GYPC: variants seen among roughly 807,000 people sequenced by gnomAD.
GYPC encodes the protein glycophorin-C.
A neutral mutation model predicts 12.6 loss-of-function variants in GYPC; 14 were observed. The observed-to-expected ratio is 1.11, with a 90% CI of 0.74 to 1.74. The LOEUF (loss-of-function observed/expected upper bound fraction) is 1.74. Among genes scored for constraint, GYPC ranks in the 40% most tolerant of loss-of-function variants. The pLI is 0.00. For missense variants in GYPC, 225 were observed against 172.1 expected (o/e 1.31, Z -1.72); for synonymous variants, 78 against 62.1 (o/e 1.26, Z -1.20).
chr2:126,691,484 C>A (rs1487033397), intron 2 of GYPC, among the ~76,000 whole-genome samples: 1 of 152,168 alleles, frequency 6.6e-6, no homozygotes, highest in African/African-American at 2.4e-5. Context: ...TGCAGACTCA[C>A]CCCAGTCCTC....
intron 1 of GYPC, among the ~76,000 whole-genome samples, chr2:126,660,402 C>T (rs1682503499): frequency 6.6e-6 from 1 of 152,224 alleles, no homozygotes; most frequent in African/African-American, 2.4e-5. Flanking sequence ...CCAGCTGCAC[C>T]TCTCACAACT....
intron 1 of GYPC, chr2:126,685,711 G>T (rs148661898): frequency 1.1e-6 from 1 of 883,806 alleles, no homozygotes; most frequent in Non-Finnish European, 1.4e-6. Context: ...AACCAGGCTT[G>T]TAGGTTCCTC....
chr2:126,666,756 C>T (rs1006251370), intron 1 of GYPC, among the ~76,000 whole-genome samples: 7 of 140,960 alleles, frequency 5.0e-5, no homozygotes, highest in African/African-American at 1.4e-4. Context: ...CACACACACA[C>T]ATATGCACGC....
intron 1 of GYPC, among the ~76,000 whole-genome samples, chr2:126,661,548 G>A (rs1308054932): frequency 2.6e-5 from 4 of 151,764 alleles, no homozygotes; most frequent in Admixed American, 2.6e-4. Context: ...CGTCTCCTGG[G>A]TTCATGCAAT....
intron 1 of GYPC, among the ~76,000 whole-genome samples, chr2:126,673,416 C>T (rs1181424831): frequency 2.0e-5 from 3 of 152,274 alleles, no homozygotes; most frequent in Non-Finnish European, 2.9e-5. Context: ...AAGGTGATCA[C>T]GTTCACTGAG....
chr2:126,667,903 T>C (rs1682731872), intron 1 of GYPC, among the ~76,000 whole-genome samples: 1 of 152,182 alleles, frequency 6.6e-6, no homozygotes, highest in African/African-American at 2.4e-5. Context: ...ACAGGAGACA[T>C]AAAGGGACAA....
chr2:126,666,708 T>TACACACACAC (rs67904410), intron 1 of GYPC, among the ~76,000 whole-genome samples: 57 of 118,544 alleles, frequency 4.8e-4, no homozygotes, highest in East Asian at 8.2e-4. Flanking sequence ...CCTCCCTCCC[T>TACACACACAC]ACACACACAC....
At chr2:126,667,847 C>T (rs1207169831) in intron 1 of GYPC, among the ~76,000 whole-genome samples, 1 of 152,196 alleles carries the variant, frequency 6.6e-6, no homozygotes, top group African/African-American at 2.4e-5. Context: ...CAATCTGATG[C>T]ATTTGATTTT....
At chr2:126,692,328 G>T (rs558870426) in intron 2 of GYPC, among the ~76,000 whole-genome samples, 13 of 152,178 alleles carry the variant, frequency 8.5e-5, no homozygotes, top group East Asian at 1.9e-4. Context: ...GCCCATCTGT[G>T]TCCTGCTGTG....
At chr2:126,686,200 A>C in intron 1 of GYPC, 3 of 985,366 alleles carry the variant, frequency 3.0e-6, no homozygotes, top group Non-Finnish European at 3.6e-6. Flanking sequence ...TTCCAGCCTC[A>C]GGGCTAGCAC....
chr2:126,669,496 G>A (rs528951154), intron 1 of GYPC, among the ~76,000 whole-genome samples: 4 of 152,294 alleles, frequency 2.6e-5, no homozygotes, highest in East Asian at 3.9e-4. Flanking sequence ...CTCCCAAAAG[G>A]AGGGAGAGAA....
intron 1 of GYPC, among the ~76,000 whole-genome samples, chr2:126,673,096 C>T (rs575687731): frequency 6.6e-6 from 1 of 152,154 alleles, no homozygotes; most frequent in East Asian, 1.9e-4. Context: ...TACTTTTCAT[C>T]TGCTTGATGT....
chr2:126,694,930 T>G (rs1193830022), intron 3 of GYPC, among the ~76,000 whole-genome samples: 6 of 152,110 alleles, frequency 3.9e-5, no homozygotes, highest in African/African-American at 9.7e-5. Context: ...CTTCACACTG[T>G]ACTTCCCCAC....
chr2:126,664,997 G>A (rs4662685), intron 1 of GYPC, among the ~76,000 whole-genome samples: 85,431 of 151,760 alleles, frequency 0.56, 24,724 homozygotes, highest in African/African-American at 0.69. Context: ...CTCATTTTCT[G>A]TCTCTATCTT....
chr2:126,664,889 A>G (rs1682635919), intron 1 of GYPC, among the ~76,000 whole-genome samples: 1 of 151,938 alleles, frequency 6.6e-6, no homozygotes, highest in Admixed American at 6.6e-5. Flanking sequence ...TCCCTGTGGG[A>G]CTTCACTAAC....
intron 1 of GYPC, among the ~76,000 whole-genome samples, chr2:126,685,390 C>CTT (rs111911645): frequency 0.018 from 2,573 of 145,858 alleles, 58 homozygotes; most frequent in Non-Finnish European, 0.022. Context: ...TTCTTTCTTT[C>CTT]TTTTTTTTTT....
chr2:126,692,451 T>C (rs1186877928), intron 2 of GYPC, among the ~76,000 whole-genome samples: 2 of 152,176 alleles, frequency 1.3e-5, no homozygotes, highest in Non-Finnish European at 2.9e-5. Context: ...AATGACCTCA[T>C]AGCACTATAA....
chr2:126,670,514 G>A lies in GYPC; in HGVS notation c.49+14202G>A, dbSNP rs75196437. Among the ~76,000 whole-genome samples, 317 of 152,318 alleles carry A rather than the reference G, an allele frequency of 2.1e-3. 1 individual carries two copies. Among genetic ancestry groups the A allele is most frequent in the African/African-American group, 7.1e-3 (296 of 41,574 alleles). On this transcript the variant is annotated intron_variant, in intron 1 of 3. Transcript: ENST00000259254. ...TGCCTGTGTCCTCACAGGCACTTCT[G>A]TAATCCCTAGAAGGGACTGAGGCAG...
intron 1 of GYPC, chr2:126,658,128 G>A (rs895522161): frequency 6.6e-6 from 1 of 151,854 alleles, no homozygotes; most frequent in Non-Finnish European, 1.5e-5. Context: ...AAGGCTCAGT[G>A]AGAAGACGGC....
Sources: allele counts gnomAD v4.1 joint callset (sites outside exome capture counted in the v4.1 genomes callset), GRCh38; gene constraint gnomAD v4.1.1; transcripts MANE v1.5; gene names NCBI Gene and HGNC (gene_info 2026-07-23, HGNC 2026-07-21).